MMP26: variants seen among roughly 807,000 people sequenced by gnomAD.
MMP26 encodes matrix metallopeptidase 26, also known as matrix metalloproteinase-26.
In MMP26, 33 loss-of-function variants were observed where a neutral mutation model predicts 31.0. The ratio of observed to expected loss-of-function variants is 1.06; its 90% CI spans 0.81 to 1.42. The LOEUF is 1.42. MMP26 is among the 40% of genes most tolerant of loss of function. The pLI, the probability that MMP26 is intolerant of heterozygous loss-of-function variation, is 0.00. For synonymous variants in MMP26, 122 were observed against 114.9 expected (o/e 1.06, Z -0.40); for missense variants, 347 against 316.1 (o/e 1.10, Z -0.74).
chr11:4,888,404 C>T (rs1163379782), intron 2 of MMP26, among the ~76,000 whole-genome samples: 1 of 151,968 alleles, frequency 6.6e-6, no homozygotes, highest in African/African-American at 2.4e-5. Flanking sequence ...GCTAGTTTAA[C>T]ATTATTTCTA....
chr11:4,793,073 C>A (rs1274574534), intron 2 of MMP26, among the ~76,000 whole-genome samples: 1 of 152,056 alleles, frequency 6.6e-6, no homozygotes, highest in Non-Finnish European at 1.5e-5. Flanking sequence ...TTCCAATAAC[C>A]CATTTGAATG....
intron 2 of MMP26, among the ~76,000 whole-genome samples, chr11:4,780,018 G>A (rs375632992): frequency 4.5e-4 from 68 of 152,238 alleles, no homozygotes; most frequent in African/African-American, 1.6e-3. Context: ...GTTGCTGTAT[G>A]TAGTAGTTTT....
chr11:4,845,973 C>G (rs1345795474), intron 2 of MMP26, among the ~76,000 whole-genome samples: 1 of 152,132 alleles, frequency 6.6e-6, no homozygotes, highest in East Asian at 1.9e-4. Context: ...GTAAGTACAA[C>G]TACTTTGGAG....
At chr11:4,793,304 A>G (rs2133444479) in intron 2 of MMP26, among the ~76,000 whole-genome samples, 1 of 152,340 alleles carries the variant, frequency 6.6e-6, no homozygotes, top group Non-Finnish European at 1.5e-5. Context: ...TGAGGAACAC[A>G]GAAGCAACCA....
At chr11:4,908,513 T>G in intron 2 of MMP26, 1 of 584,606 alleles carries the variant, frequency 1.7e-6, no homozygotes, top group East Asian at 2.9e-5. Context: ...AGAGGTTTAA[T>G]TAACATTTTA....
intron 2 of MMP26, among the ~76,000 whole-genome samples, chr11:4,791,294 A>G (rs560646336): frequency 3.3e-5 from 5 of 152,338 alleles, no homozygotes; most frequent in African/African-American, 9.6e-5. Flanking sequence ...CATTCTTTGA[A>G]TTAATCCTTT....
chr11:4,842,011 C>T (rs1164897330), intron 2 of MMP26, among the ~76,000 whole-genome samples: 2 of 152,106 alleles, frequency 1.3e-5, no homozygotes, highest in Non-Finnish European at 2.9e-5. Flanking sequence ...ATACAAAAGT[C>T]ATTGGCAATA....
At chr11:4,760,601 A>G (rs756243830) in intron 1 of MMP26, among the ~76,000 whole-genome samples, 2 of 152,200 alleles carry the variant, frequency 1.3e-5, no homozygotes, top group African/African-American at 4.8e-5. Flanking sequence ...AGCATCATTA[A>G]TAGGCTGTGA....
chr11:4,933,828 G>A (rs1851390146), intron 2 of MMP26, among the ~76,000 whole-genome samples: 2 of 148,666 alleles, frequency 1.3e-5, no homozygotes, highest in African/African-American at 5.0e-5. Context: ...GCAGTGTTTG[G>A]TTTTTTATTC....
rs2133499700 is a variant in MMP26 at position 4,850,557 on chromosome 11, A to G, written c.-145+83216A>G. 2.0e-5 allele frequency among the ~76,000 whole-genome samples: 3 copies of G among 152,322 alleles called. No homozygotes were observed. The East Asian group carries it at 5.8e-4, about 29-fold the overall frequency. ...CTGCCCAAATGCCCAGAAAGATTGG[A>G]ACTGAAATTCTGGACAAAAAGACCA... On this transcript the variant is annotated intron_variant, in intron 2 of 7. Coordinates refer to ENST00000380390, the MANE Select transcript of MMP26 (RefSeq NM_021801.5).
At chr11:4,871,887 C>G (rs889177931) in intron 2 of MMP26, 6 of 151,994 alleles carry the variant, frequency 3.9e-5, no homozygotes, top group African/African-American at 1.5e-4. Flanking sequence ...CGTGTTGAGC[C>G]CAGTTCACCC....
In MMP26 at chr11:4,915,507, T is replaced by C. The variant is rs139903297; in HGVS notation, c.-144-72561T>C. 6.9e-4 allele frequency: 1,118 copies of C among 1,614,044 alleles called. 11 individuals carry two copies. In the African/African-American group the frequency reaches 0.013, roughly 18 times the overall value. On this transcript the variant is annotated intron_variant, in intron 2 of 7. Coordinates refer to ENST00000380390, the MANE Select transcript of MMP26 (RefSeq NM_021801.5). ...TGAAGTGAGCGCTCTGTTTTAATGA[T>C]AAAAAGAATTGTGCAGTTGCCCGGG...
intron 2 of MMP26, chr11:4,923,290 G>T (rs576859647): frequency 7.2e-7 from 1 of 1,388,404 alleles, no homozygotes; most frequent in Non-Finnish European, 9.7e-7. Flanking sequence ...GACAGTCAAC[G>T]GTTTATTATT....
intron 2 of MMP26, among the ~76,000 whole-genome samples, chr11:4,835,179 C>G (rs948235806): frequency 4.0e-5 from 6 of 148,712 alleles, no homozygotes; most frequent in Non-Finnish European, 8.9e-5. Context: ...CCTCCCCCCT[C>G]TCTCTCTCTT....
intron 2 of MMP26, among the ~76,000 whole-genome samples, chr11:4,895,166 A>G (rs1850682076): frequency 6.6e-6 from 1 of 152,200 alleles, no homozygotes; most frequent in Admixed American, 6.5e-5. Context: ...TTTACTACTA[A>G]CAAGTATTAA....
chr11:4,844,938 T>C (rs1030728706), intron 2 of MMP26, among the ~76,000 whole-genome samples: 1 of 152,052 alleles, frequency 6.6e-6, no homozygotes, highest in Non-Finnish European at 1.5e-5. Flanking sequence ...GTCATCCAAA[T>C]TGGAATGGAA....
chr11:4,736,005 A>G (rs1848235150), intron 1 of MMP26, among the ~76,000 whole-genome samples: 1 of 152,306 alleles, frequency 6.6e-6, no homozygotes, highest in Middle Eastern at 3.4e-3. Flanking sequence ...TCTATTAAAT[A>G]TAAAGAATAA....
At chr11:4,714,203 A>G (rs549127488) in intron 1 of MMP26, among the ~76,000 whole-genome samples, 25 of 152,190 alleles carry the variant, frequency 1.6e-4, no homozygotes, top group African/African-American at 5.3e-4. Flanking sequence ...AATGAGGGGG[A>G]CTTTATTAGC....
intron 2 of MMP26, among the ~76,000 whole-genome samples, chr11:4,918,042 A>G (rs1421486359): frequency 6.6e-6 from 1 of 151,954 alleles, no homozygotes. Context: ...ACAATTTGCC[A>G]GGCTCTGTAT....
Sources: allele counts gnomAD v4.1 joint callset (sites outside exome capture counted in the v4.1 genomes callset), GRCh38; gene constraint gnomAD v4.1.1; transcripts MANE v1.5; gene names NCBI Gene and HGNC (gene_info 2026-07-23, HGNC 2026-07-21).